KIAA1217: variants seen among roughly 807,000 people sequenced by gnomAD.
KIAA1217 encodes the protein sickle tail protein homolog.
KIAA1217 carries 88 observed loss-of-function variants against 163.9 expected under a neutral mutation model. The ratio of observed to expected loss-of-function variants is 0.54; its 90% CI spans 0.45 to 0.64. The LOEUF is 0.64. Ranked by LOEUF, KIAA1217 falls within the 30% of genes least tolerant of loss-of-function variation. The pLI, the probability that KIAA1217 is intolerant of heterozygous loss-of-function variation, is 0.00. For missense variants in KIAA1217, 2,372 were observed against 2,475.0 expected (o/e 0.96, Z 0.88); for synonymous variants, 903 against 923.1 (o/e 0.98, Z 0.39).
intron 2 of KIAA1217, among the ~76,000 whole-genome samples, chr10:24,058,038 G>A (rs1051482286): frequency 6.6e-6 from 1 of 152,102 alleles, no homozygotes; most frequent in Admixed American, 6.6e-5. Context: ...CAGGTCTTAT[G>A]TTTAAATTAT....
chr10:24,262,790 CA>C (rs1479238069), intron 2 of KIAA1217, among the ~76,000 whole-genome samples: 1 of 151,662 alleles, frequency 6.6e-6, no homozygotes, highest in African/African-American at 2.4e-5. Flanking sequence ...GCTAAATATA[CA>C]AAAAAATTAG....
intron 2 of KIAA1217, among the ~76,000 whole-genome samples, chr10:24,282,235 T>C (rs1389150065): frequency 2.0e-5 from 3 of 151,800 alleles, no homozygotes; most frequent in Non-Finnish European, 4.4e-5. Context: ...ATACTAATAA[T>C]CTATATGATT....
rs371702620 is a variant in KIAA1217 at position 24,286,032 on chromosome 10, A to C, written c.354+66123A>C. ...CAGCTTGAATGTTGTTGCTATATAG[A>C]AATGCTACTGATTTTTGTATGTTGA... On this transcript the variant is annotated intron_variant, in intron 2 of 20. Coordinates refer to ENST00000376454, the MANE Select transcript of KIAA1217 (RefSeq NM_019590.5). 1.6e-4 allele frequency among the ~76,000 whole-genome samples: 25 copies of C among 152,290 alleles called. No homozygotes were observed. In the East Asian group the frequency reaches 3.5e-3, roughly 21 times the overall value.
intron 2 of KIAA1217, among the ~76,000 whole-genome samples, chr10:24,069,862 CAG>C (rs2061116100): frequency 1.3e-5 from 2 of 151,978 alleles, no homozygotes. Flanking sequence ...TTTTGCAAGA[CAG>C]AGTCTCATTC....
chr10:24,482,988 C>G (rs1374269184), intron 6 of KIAA1217: 1 of 151,380 alleles, frequency 6.6e-6, no homozygotes, highest in African/African-American at 2.5e-5. Flanking sequence ...CTACTGCACT[C>G]CAGCCTGGGC....
At chr10:24,203,554 AC>A (rs895968939) in intron 2 of KIAA1217, among the ~76,000 whole-genome samples, 3 of 129,054 alleles carry the variant, frequency 2.3e-5, no homozygotes, top group African/African-American at 9.0e-5. Context: ...TGCTCCCCCT[AC>A]CCCCCAACCC....
In KIAA1217 at chr10:24,036,339, T is replaced by TAGAG. The variant is rs199973378; in HGVS notation, c.-171+28967_-171+28970dup. On this transcript the variant is annotated intron_variant, in intron 2 of 18. Transcript: ENST00000376462. ...GGAGGCATCCAGTCACGAAACTAAA[T>TAGAG]AGAGATATATGTGGGGAGGGGGTCA... 7.2e-3 allele frequency among the ~76,000 whole-genome samples: 1,094 copies of TAGAG among 152,046 alleles called. 8 individuals are homozygous for TAGAG. The highest frequency in any genetic ancestry group is 0.026 in the South Asian group (126 of 4,802).
intron 2 of KIAA1217, among the ~76,000 whole-genome samples, chr10:24,307,463 A>C (rs1052790780): frequency 6.6e-6 from 1 of 152,180 alleles, no homozygotes; most frequent in Admixed American, 6.6e-5. Context: ...CACTCCCTTC[A>C]TGCCCTTCTT....
At chr10:23,863,463 AG>A (rs1396958516) in intron 1 of KIAA1217, among the ~76,000 whole-genome samples, 1 of 152,142 alleles carries the variant, frequency 6.6e-6, no homozygotes, top group Admixed American at 6.5e-5. Context: ...CACAACATTT[AG>A]GCTGGCTTGA....
chr10:24,113,546 G>A (rs1310847164), intron 2 of KIAA1217, among the ~76,000 whole-genome samples: 2 of 152,140 alleles, frequency 1.3e-5, no homozygotes, highest in Non-Finnish European at 2.9e-5. Context: ...AACAGAAAAG[G>A]AATTTTGCTC....
At chr10:24,113,475 G>C (rs2062934357) in intron 2 of KIAA1217, among the ~76,000 whole-genome samples, 1 of 152,192 alleles carries the variant, frequency 6.6e-6, no homozygotes, top group African/African-American at 2.4e-5. Flanking sequence ...GTTTGTTCCT[G>C]CAAGAGTGTC....
intron 2 of KIAA1217, among the ~76,000 whole-genome samples, chr10:24,283,821 G>A (rs1344686251): frequency 6.6e-6 from 1 of 152,014 alleles, no homozygotes; most frequent in East Asian, 1.9e-4. Flanking sequence ...AGTCATTATA[G>A]TAGTGTGTAG....
intron 2 of KIAA1217, among the ~76,000 whole-genome samples, chr10:24,330,317 A>T (rs1262781470): frequency 6.6e-6 from 1 of 151,082 alleles, no homozygotes; most frequent in African/African-American, 2.4e-5. Flanking sequence ...AAAAAAAAAA[A>T]GAATAGGTAG....
intron 2 of KIAA1217, among the ~76,000 whole-genome samples, chr10:24,104,721 A>G (rs1372392202): frequency 3.9e-5 from 6 of 152,228 alleles, no homozygotes; most frequent in Admixed American, 2.6e-4. Context: ...TGTGATTCAG[A>G]TATTGACAGT....
intron 3 of KIAA1217, among the ~76,000 whole-genome samples, chr10:24,398,687 T>C (rs949886925): frequency 6.6e-6 from 1 of 152,076 alleles, no homozygotes; most frequent in Non-Finnish European, 1.5e-5. Flanking sequence ...TTCCTCTGGA[T>C]GGGCCGCCCG....
intron 2 of KIAA1217, among the ~76,000 whole-genome samples, chr10:24,309,999 T>C (rs1017271966): frequency 6.6e-6 from 1 of 152,230 alleles, no homozygotes; most frequent in Non-Finnish European, 1.5e-5. Context: ...AGGAAAATTA[T>C]GGCAAAGAGA....
chr10:23,748,489 GAAA>G (rs1839537816), intron 1 of KIAA1217, among the ~76,000 whole-genome samples: 1 of 139,990 alleles, frequency 7.1e-6, no homozygotes, highest in Admixed American at 7.3e-5. Flanking sequence ...AGGAAGGAAG[GAAA>G]GAAGGGAAAG....
chr10:24,170,574 G>T (rs7921603), intron 2 of KIAA1217, among the ~76,000 whole-genome samples: 46 of 152,280 alleles, frequency 3.0e-4, no homozygotes, highest in Non-Finnish European at 2.8e-4. Context: ...TAAGTCCAAA[G>T]TCAGTGATAT....
At chr10:23,728,351 G>A (rs1048539875) in intron 1 of KIAA1217, among the ~76,000 whole-genome samples, 4 of 152,006 alleles carry the variant, frequency 2.6e-5, no homozygotes, top group East Asian at 1.9e-4. Flanking sequence ...TTTAATGATC[G>A]CTATTCTAAC....
Sources: gnomAD v4.1 joint callset for allele counts (sites outside exome capture counted in the v4.1 genomes callset) on GRCh38, gnomAD v4.1.1 for gene constraint, MANE v1.5 for transcripts, NCBI Gene and HGNC (gene_info 2026-07-23, HGNC 2026-07-21) for gene names.